Variants in SGCZ observed in about 807,000 individuals in gnomAD.
SGCZ encodes sarcoglycan zeta, also known as zeta-sarcoglycan.
Under a neutral mutation model 41.3 loss-of-function variants are expected in SGCZ, and 40 were observed. That is an observed-to-expected ratio of 0.97 (90% CI 0.75 to 1.26). The LOEUF (loss-of-function observed/expected upper bound fraction) is 1.26. Ranked by LOEUF, SGCZ falls within the 50% of genes most tolerant of loss-of-function variation. The probability of loss-of-function intolerance (pLI) is 0.00; values close to 1 mark genes in which losing one functional copy is unlikely to be tolerated. For synonymous variants in SGCZ, 206 were observed against 137.5 expected, an observed-to-expected ratio of 1.50 and a Z score of -3.49; for missense variants, 552 against 369.8, an observed-to-expected ratio of 1.49 and a Z score of -4.04.
At chr8:14,426,366 C>G (rs1292790631) in intron 2 of SGCZ, among the ~76,000 whole-genome samples, 1 of 151,982 alleles carries the variant, frequency 6.6e-6, no homozygotes, top group Non-Finnish European at 1.5e-5. Context: ...AGTATTTCCC[C>G]TCCCCCAATT....
chr8:14,093,390 T>C (rs1377193473), intron 7 of SGCZ, among the ~76,000 whole-genome samples: 1 of 152,098 alleles, frequency 6.6e-6, no homozygotes, highest in East Asian at 1.9e-4. Flanking sequence ...ACACTTCAAT[T>C]GGATCCTGAT....
At chr8:15,188,858 G>A (rs1239782346) in intron 1 of SGCZ, among the ~76,000 whole-genome samples, 1 of 152,160 alleles carries the variant, frequency 6.6e-6, no homozygotes, top group Middle Eastern at 3.4e-3. Context: ...AGGCAGAGAG[G>A]AAGGGAATCT....
intron 2 of SGCZ, among the ~76,000 whole-genome samples, chr8:14,485,982 C>G (rs938413366): frequency 2.6e-5 from 4 of 151,934 alleles, no homozygotes; most frequent in African/African-American, 9.7e-5. Flanking sequence ...GCTGGGACTA[C>G]AGGCGTCCGC....
At chr8:14,817,237 G>A (rs912417464) in intron 1 of SGCZ, among the ~76,000 whole-genome samples, 2 of 152,110 alleles carry the variant, frequency 1.3e-5, no homozygotes, top group Admixed American at 6.6e-5. Flanking sequence ...ACCTGCCTCT[G>A]CCACATAGTC....
chr8:14,952,951 G>C (rs1585407865), intron 1 of SGCZ, among the ~76,000 whole-genome samples: 2 of 152,228 alleles, frequency 1.3e-5, no homozygotes, highest in East Asian at 3.9e-4. Context: ...CAAAATTCTA[G>C]AGCAAGAGAA....
At chr8:14,172,076 G>C (rs1212207804) in intron 4 of SGCZ, among the ~76,000 whole-genome samples, 1 of 152,068 alleles carries the variant, frequency 6.6e-6, no homozygotes, top group Admixed American at 6.6e-5. Flanking sequence ...ATCACAGAAA[G>C]TCTGGTTTCT....
At chr8:14,712,783 G>T (rs76034301) in intron 1 of SGCZ, among the ~76,000 whole-genome samples, 1 of 152,076 alleles carries the variant, frequency 6.6e-6, no homozygotes, top group Non-Finnish European at 1.5e-5. Flanking sequence ...GTAAACTCTA[G>T]TAACCCTGTT....
At chr8:14,772,241 A>T (rs1035490817) in intron 1 of SGCZ, among the ~76,000 whole-genome samples, 1 of 152,168 alleles carries the variant, frequency 6.6e-6, no homozygotes, top group South Asian at 2.1e-4. Context: ...GTATAATGAG[A>T]TGTATTAAAT....
intron 1 of SGCZ, among the ~76,000 whole-genome samples, chr8:15,236,209 G>A (rs1802113687): frequency 6.6e-6 from 1 of 152,082 alleles, no homozygotes; most frequent in African/African-American, 2.4e-5. Flanking sequence ...CAGTGGCAGG[G>A]CGATTCTGGC....
intron 3 of SGCZ, among the ~76,000 whole-genome samples, chr8:14,289,039 C>G (rs1306692763): frequency 6.6e-6 from 1 of 152,084 alleles, no homozygotes; most frequent in African/African-American, 2.4e-5. Flanking sequence ...CAATATTGAA[C>G]ATCTGTATGT....
rs553245801 is a variant in SGCZ at position 14,522,982 on chromosome 8, T to A, written c.234+31750A>T. Among the ~76,000 whole-genome samples the A allele has an allele frequency of 2.6e-5, 4 of 152,068 alleles. No individual in the cohort carries two copies. The East Asian group carries it at 7.7e-4, about 29-fold the overall frequency. ...TTTTAGTGCATCTCTTTGTATAATA[T>A]TTTGGAGGTTACTCTGAAAACTATA... On this transcript the variant is annotated intron_variant, in intron 2 of 7. Transcript: ENST00000382080.
intron 1 of SGCZ, among the ~76,000 whole-genome samples, chr8:15,117,647 T>C (rs1056111992): frequency 2.0e-5 from 3 of 152,196 alleles, no homozygotes; most frequent in Non-Finnish European, 2.9e-5. Flanking sequence ...TCTTGGAAGA[T>C]ATTTGTAAGC....
intron 2 of SGCZ, among the ~76,000 whole-genome samples, chr8:14,431,860 T>C (rs535875308): frequency 1.4e-4 from 21 of 151,962 alleles, no homozygotes; most frequent in Non-Finnish European, 2.8e-4. Context: ...CATCAAAAAG[T>C]GGGCTAAGGA....
intron 5 of SGCZ, among the ~76,000 whole-genome samples, chr8:14,144,005 A>G (rs532743241): frequency 1.3e-5 from 2 of 152,128 alleles, no homozygotes; most frequent in South Asian, 4.1e-4. Context: ...TTCACCACCA[A>G]GGGATACAGT....
chr8:14,242,035 C>A (rs1388846579), intron 3 of SGCZ, among the ~76,000 whole-genome samples: 1 of 152,168 alleles, frequency 6.6e-6, no homozygotes, highest in East Asian at 1.9e-4. Context: ...AGGAGACAGA[C>A]TTCTTTATTT....
At chr8:15,213,714 A>T (rs768129854) in intron 1 of SGCZ, among the ~76,000 whole-genome samples, 2 of 151,864 alleles carry the variant, frequency 1.3e-5, no homozygotes, top group African/African-American at 4.8e-5. Flanking sequence ...AAGTGAAAAG[A>T]TATTTAACAT....
At chr8:14,674,602 C>T (rs899583124) in intron 1 of SGCZ, among the ~76,000 whole-genome samples, 1 of 152,110 alleles carries the variant, frequency 6.6e-6, no homozygotes, top group Non-Finnish European at 1.5e-5. Context: ...CTTTCCCACC[C>T]AAATTTCATG....
chr8:14,566,991 G>C (rs1348478665), intron 1 of SGCZ, among the ~76,000 whole-genome samples: 1 of 152,210 alleles, frequency 6.6e-6, no homozygotes, highest in Non-Finnish European at 1.5e-5. Flanking sequence ...CGGGCCAGCA[G>C]CTGCGGAGGG....
intron 1 of SGCZ, among the ~76,000 whole-genome samples, chr8:14,873,257 A>G (rs1444251632): frequency 1.3e-5 from 2 of 152,182 alleles, no homozygotes; most frequent in Non-Finnish European, 2.9e-5. Context: ...ACTACACTTT[A>G]AAGGCTACAA....
Sources: allele counts gnomAD v4.1 joint callset (sites outside exome capture counted in the v4.1 genomes callset), GRCh38; gene constraint gnomAD v4.1.1; transcripts MANE v1.5; gene names NCBI Gene and HGNC (gene_info 2026-07-23, HGNC 2026-07-21).